ASAP1: variants seen among roughly 807,000 people sequenced by gnomAD.
ASAP1 encodes ArfGAP with SH3 domain, ankyrin repeat and PH domain 1.
In ASAP1, 43 loss-of-function variants were observed where a neutral mutation model predicts 145.2. The observed-to-expected ratio is 0.30, with a 90% CI of 0.23 to 0.38. The LOEUF (loss-of-function observed/expected upper bound fraction) is 0.38. ASAP1 is among the 10% of genes least tolerant of loss of function. The probability of loss-of-function intolerance (pLI) is 1.00; values close to 1 mark genes in which losing one functional copy is unlikely to be tolerated. For synonymous variants in ASAP1, 546 were observed against 515.5 expected (o/e 1.06, Z -0.80); for missense variants, 1,018 against 1,355.3 (o/e 0.75, Z 3.91).
rs142579097 is a variant in ASAP1 at position 130,088,556 on chromosome 8, G to C, written c.2572+3417C>G. 2.0e-3 allele frequency among the ~76,000 whole-genome samples: 303 copies of C among 152,316 alleles called. 2 individuals carry two copies. Among genetic ancestry groups the C allele is most frequent in the African/African-American group, 6.9e-3 (285 of 41,550 alleles). On this transcript the variant is annotated intron_variant, in intron 25 of 29. Transcript: ENST00000518721. ...CTCCACGGATCACCTGGAGTCACCA[G>C]AAGCTGAGAGAGGCAAGAAACAGAT... is the stretch of plus-strand genomic sequence containing the variant.
In ASAP1 at chr8:130,338,552, C is replaced by A. The variant is rs1282938922; in HGVS notation, c.186+19465G>T. On this transcript the variant is annotated intron_variant, in intron 3 of 29. Transcript: ENST00000518721. ...GCCCACAGTCATCCCAGCAAACACTCTGCAGTATCTTTAATGACTCTAGCT... is the reference window on the plus strand; with the variant it reads ...GCCCACAGTCATCCCAGCAAACACTATGCAGTATCTTTAATGACTCTAGCT... Among the ~76,000 whole-genome samples, 3 of 152,328 alleles carry A rather than the reference C, an allele frequency of 2.0e-5. No individual in the cohort carries two copies. The East Asian group carries it at 5.8e-4, about 29-fold the overall frequency.
chr8:130,325,001 C>T (rs1280026119), intron 3 of ASAP1, among the ~76,000 whole-genome samples: 1 of 152,178 alleles, frequency 6.6e-6, no homozygotes, highest in Non-Finnish European at 1.5e-5. Flanking sequence ...ACTGGCTGCT[C>T]ACCGGCAGCC....
At chr8:130,339,533 T>C (rs1273571936) in intron 3 of ASAP1, among the ~76,000 whole-genome samples, 4 of 152,134 alleles carry the variant, frequency 2.6e-5, no homozygotes, top group Non-Finnish European at 2.9e-5. Flanking sequence ...GTAAGTCTCC[T>C]CCACTTGAAG....
intron 1 of ASAP1, among the ~76,000 whole-genome samples, chr8:130,404,985 A>G (rs1828960851): frequency 6.6e-6 from 1 of 151,994 alleles, no homozygotes; most frequent in African/African-American, 2.4e-5. Context: ...TGAACCAGCC[A>G]TGCAACTAGA....
intron 2 of ASAP1, among the ~76,000 whole-genome samples, chr8:130,368,004 T>TA (rs1346618733): frequency 6.6e-6 from 1 of 152,128 alleles, no homozygotes; most frequent in Non-Finnish European, 1.5e-5. Flanking sequence ...GCTATTTAGT[T>TA]AACGTCCTTT....
Position 130,358,735 on chromosome 8 carries a change from G to A in ASAP1, c.60-592C>T, listed in dbSNP as rs937178526. 4.4e-4 allele frequency among the ~76,000 whole-genome samples: 8 copies of A among 18,160 alleles called. No homozygotes were observed. The highest frequency in any genetic ancestry group is 1.4e-3 in the African/African-American group (6 of 4,434). The allele number at this position is 18,160 out of a possible 152,430, so 11.9% of individuals were successfully genotyped here. A position where few individuals can be genotyped will look rare whatever the true frequency, so the allele number is the denominator to read the frequency against. ...CCCTCCCCGCCCGCGCCCCGCCCCCGGCCCGGCCCCCGCCCCGCCCCGCCC... is the reference window on the plus strand; with the variant it reads ...CCCTCCCCGCCCGCGCCCCGCCCCCAGCCCGGCCCCCGCCCCGCCCCGCCC... On this transcript the variant is annotated intron_variant, in intron 2 of 29. Transcript: ENST00000518721. The surrounding 1 kb of genome is among the most constrained non-coding windows in gnomAD (Gnocchi z 4.1).
intron 3 of ASAP1, among the ~76,000 whole-genome samples, chr8:130,242,853 C>A (rs144771386): frequency 6.6e-6 from 1 of 152,204 alleles, no homozygotes; most frequent in East Asian, 1.9e-4. Flanking sequence ...TATAGGCAAA[C>A]CACGCAAATG....
intron 1 of ASAP1, among the ~76,000 whole-genome samples, chr8:130,416,742 T>G (rs1829491118): frequency 6.6e-6 from 1 of 152,246 alleles, no homozygotes; most frequent in Non-Finnish European, 1.5e-5. Flanking sequence ...GGCTGCCACC[T>G]AATGGAAAGT....
intron 7 of ASAP1, 97 bp downstream of exon 7, chr8:130,187,139 G>A (rs1027028960): frequency 9.8e-7 from 1 of 1,018,252 alleles, no homozygotes; most frequent in Non-Finnish European, 1.4e-6. Flanking sequence ...TTAGTTAAGG[G>A]CTCTGTCCTT....
intron 3 of ASAP1, among the ~76,000 whole-genome samples, chr8:130,249,754 T>C (rs1159379113): frequency 6.6e-6 from 1 of 152,128 alleles, no homozygotes; most frequent in Non-Finnish European, 1.5e-5. Flanking sequence ...CTCCCAGTTG[T>C]AGAGCCATCT....
chr8:130,282,973 G>C (rs1821344695), intron 3 of ASAP1, among the ~76,000 whole-genome samples: 1 of 152,188 alleles, frequency 6.6e-6, no homozygotes, highest in African/African-American at 2.4e-5. Flanking sequence ...TTGCCAATTG[G>C]GAAAGGGGAT....
intron 5 of ASAP1, among the ~76,000 whole-genome samples, chr8:130,193,734 T>C (rs889046621): frequency 5.9e-5 from 9 of 152,238 alleles, no homozygotes; most frequent in African/African-American, 2.2e-4. Context: ...TGAAAGGCTG[T>C]ATTATAAAAT....
intron 13 of ASAP1, among the ~76,000 whole-genome samples, chr8:130,144,292 A>C (rs551529530): frequency 3.4e-4 from 52 of 152,338 alleles, no homozygotes; most frequent in African/African-American, 1.2e-3. Flanking sequence ...AAAAGGTAAC[A>C]ATTTTTTGAA....
At chr8:130,207,865 G>A (rs1376918250) in intron 5 of ASAP1, among the ~76,000 whole-genome samples, 1 of 152,120 alleles carries the variant, frequency 6.6e-6, no homozygotes, top group Non-Finnish European at 1.5e-5. Context: ...CCACATATAG[G>A]ACTTCAATTA....
rs184782167 is a variant in ASAP1, at chr8:130,167,720, A to G, written c.823-98T>C. 8.8e-4 allele frequency: 787 copies of G among 890,796 alleles called. 2 individuals carry two copies. Among genetic ancestry groups the G allele is most frequent in the Middle Eastern group, 8.4e-3 (24 of 2,864 alleles). The allele number at this position is 890,796 out of a possible 1,614,324, so 55.2% of individuals were successfully genotyped here. On this transcript the variant is annotated intron_variant, in intron 10 of 29. Transcript: ENST00000518721. Reference sequence around the variant, plus strand: ...ACCACTCATCAAAATTCTATTATATATTTGGTTTTCTTACTAAAAGTCCTT... The same window carrying G: ...ACCACTCATCAAAATTCTATTATATGTTTGGTTTTCTTACTAAAAGTCCTT...
At chr8:130,334,530 GTTATCT>G (rs562135138) in intron 3 of ASAP1, among the ~76,000 whole-genome samples, 29 of 152,106 alleles carry the variant, frequency 1.9e-4, no homozygotes, top group Non-Finnish European at 3.7e-4. Flanking sequence ...AACAAATACA[GTTATCT>G]TCATATTATT....
chr8:130,370,999 C>T (rs981992487), intron 2 of ASAP1, among the ~76,000 whole-genome samples: 5 of 152,124 alleles, frequency 3.3e-5, no homozygotes, highest in Non-Finnish European at 5.9e-5. Context: ...TTTGTGAATA[C>T]ACTAAAAACC....
intron 3 of ASAP1, among the ~76,000 whole-genome samples, chr8:130,284,576 C>T (rs1242497198): frequency 2.0e-5 from 3 of 152,012 alleles, no homozygotes; most frequent in Non-Finnish European, 2.9e-5. Flanking sequence ...ATAAGCGTCA[C>T]CACTCAACAA....
chr8:130,427,978 G>A (rs552121846), intron 1 of ASAP1, among the ~76,000 whole-genome samples: 1 of 152,082 alleles, frequency 6.6e-6, no homozygotes, highest in East Asian at 1.9e-4. Context: ...TAAGCCCCTG[G>A]CTCCCATCCC....
Sources: allele counts gnomAD v4.1 joint callset (sites outside exome capture counted in the v4.1 genomes callset), GRCh38; gene constraint gnomAD v4.1.1; non-coding constraint Gnocchi (gnomAD v3.1); transcripts MANE v1.5; gene names NCBI Gene and HGNC (gene_info 2026-07-23, HGNC 2026-07-21).